Variants in KCNQ3 observed in about 807,000 individuals in gnomAD.
The protein encoded by KCNQ3 is potassium voltage-gated channel subfamily Q member 3, also known as potassium voltage-gated channel subfamily KQT member 3.
In KCNQ3, 30 loss-of-function variants were observed where a neutral mutation model predicts 92.5. That is an observed-to-expected ratio of 0.32 (90% CI 0.24 to 0.44). The LOEUF (loss-of-function observed/expected upper bound fraction) is 0.44, where lower values mean the gene tolerates loss of function less well. KCNQ3 is among the 20% of genes least tolerant of loss of function. KCNQ3 has a pLI of 1.00. For missense variants in KCNQ3, 913 were observed against 1,140.3 expected (o/e 0.80, Z 2.87); for synonymous variants, 450 against 468.8 (o/e 0.96, Z 0.52).
At chr8:132,334,206 G>A (rs1021416508) in intron 1 of KCNQ3, among the ~76,000 whole-genome samples, 2 of 151,996 alleles carry the variant, frequency 1.3e-5, no homozygotes, top group African/African-American at 4.8e-5. Flanking sequence ...TTGTGGCCGG[G>A]TGTGGTGACT....
chr8:132,237,238 G>A (rs1412981080), intron 1 of KCNQ3, among the ~76,000 whole-genome samples: 2 of 152,084 alleles, frequency 1.3e-5, no homozygotes, highest in African/African-American at 2.4e-5. Flanking sequence ...CATGGAGACT[G>A]GATAAGAGTA....
intron 9 of KCNQ3, among the ~76,000 whole-genome samples, chr8:132,162,495 C>T (rs1244831880): frequency 6.6e-6 from 1 of 152,080 alleles, no homozygotes; most frequent in Admixed American, 6.6e-5. Flanking sequence ...TCTGTGGTGT[C>T]CTTTCACTCT....
At chr8:132,273,998 T>C (rs1368473490) in intron 1 of KCNQ3, among the ~76,000 whole-genome samples, 1 of 152,212 alleles carries the variant, frequency 6.6e-6, no homozygotes, top group Non-Finnish European at 1.5e-5. Flanking sequence ...CATTTTCCTG[T>C]CTTCTGAGCC....
At chr8:132,284,163 C>T (rs1368125142) in intron 1 of KCNQ3, among the ~76,000 whole-genome samples, 2 of 152,038 alleles carry the variant, frequency 1.3e-5, no homozygotes, top group Non-Finnish European at 2.9e-5. Flanking sequence ...TGCACATGTG[C>T]CCTAAAACTT....
At chr8:132,222,609 A>G (rs1200387568) in intron 1 of KCNQ3, among the ~76,000 whole-genome samples, 3 of 152,316 alleles carry the variant, frequency 2.0e-5, no homozygotes, top group East Asian at 1.9e-4. Flanking sequence ...AGAGGCAGGG[A>G]GATGTGTCTA....
intron 1 of KCNQ3, among the ~76,000 whole-genome samples, chr8:132,219,401 A>C (rs1814144946): frequency 6.6e-6 from 1 of 152,088 alleles, no homozygotes; most frequent in East Asian, 1.9e-4. Context: ...TCCCGCTTTG[A>C]TGAAGGTCCA....
chr8:132,278,461 T>C (rs1362634321), intron 1 of KCNQ3, among the ~76,000 whole-genome samples: 1 of 152,202 alleles, frequency 6.6e-6, no homozygotes, highest in Non-Finnish European at 1.5e-5. Context: ...CCTTGGGCAG[T>C]AAGACCAACT....
chr8:132,258,696 G>T (rs577278255), intron 1 of KCNQ3, among the ~76,000 whole-genome samples: 99 of 151,938 alleles, frequency 6.5e-4, no homozygotes, highest in African/African-American at 2.3e-3. Flanking sequence ...AAACAACAGA[G>T]AAATCAATAA....
chr8:132,281,520 CTGTG>C (rs57252508), intron 1 of KCNQ3, among the ~76,000 whole-genome samples: 66,080 of 149,434 alleles, frequency 0.44, 16,376 homozygotes, highest in East Asian at 0.68. Context: ...TATATGGAAT[CTGTG>C]TGTGTGTGTG....
Position 132,129,186 on chromosome 8 carries a change from A to G in KCNQ3, c.*76T>C. On this transcript the variant is annotated 3_prime_UTR_variant, in exon 15 of 15. Coordinates refer to ENST00000388996, the MANE Select transcript of KCNQ3 (RefSeq NM_004519.4). The surrounding 1 kb of genome is among the most constrained non-coding windows in gnomAD (Gnocchi z 5.9). ...TGCAGCCATTGGTGTCCCCGCTGGT[A>G]AGCGTCGGGTGTAAGAGTAAGTGAA... 1 of 1,547,484 alleles carries G rather than the reference A, an allele frequency of 6.5e-7. No individual in the cohort carries two copies.
chr8:132,332,842 G>C (rs1281326313), intron 1 of KCNQ3, among the ~76,000 whole-genome samples: 2 of 152,184 alleles, frequency 1.3e-5, no homozygotes, highest in Non-Finnish European at 2.9e-5. Context: ...ACACCTCCCT[G>C]GTGCAGAACC....
At chr8:132,390,365 C>T (rs897300586) in intron 1 of KCNQ3, among the ~76,000 whole-genome samples, 3 of 152,152 alleles carry the variant, frequency 2.0e-5, no homozygotes, top group Admixed American at 2.0e-4. Flanking sequence ...CAAGTACTGG[C>T]AATGGTCTTG....
chr8:132,193,704 C>T lies in KCNQ3; in HGVS notation c.387-7523G>A, dbSNP rs561218693. 8.7e-4 allele frequency among the ~76,000 whole-genome samples: 133 copies of T among 152,320 alleles called. 2 individuals carry two copies. Among genetic ancestry groups the T allele is most frequent in the African/African-American group, 2.9e-3 (122 of 41,572 alleles). The stretch of plus-strand genomic sequence containing the variant: ...TTTTCGTACATCATTTTCTCTTTTA[C>T]TCCTGAGAGCAACACTGCGAGGAAG... On this transcript the variant is annotated intron_variant, in intron 1 of 14. Coordinates refer to ENST00000388996, the MANE Select transcript of KCNQ3 (RefSeq NM_004519.4).
chr8:132,227,408 G>T (rs1410143187), intron 1 of KCNQ3, among the ~76,000 whole-genome samples: 1 of 152,090 alleles, frequency 6.6e-6, no homozygotes. Context: ...AGAGGCACTG[G>T]GGTGTGTGTG....
intron 1 of KCNQ3, among the ~76,000 whole-genome samples, chr8:132,424,061 C>T (rs894016321): frequency 8.5e-5 from 13 of 152,156 alleles, no homozygotes; most frequent in African/African-American, 2.9e-4. Context: ...TACTCTTCTT[C>T]CCCACCATGT....
intron 1 of KCNQ3, among the ~76,000 whole-genome samples, chr8:132,372,165 T>C (rs1819489467): frequency 6.6e-6 from 1 of 152,184 alleles, no homozygotes; most frequent in African/African-American, 2.4e-5. Flanking sequence ...AATGGCTTCC[T>C]CTGGGCTTCT....
At chr8:132,379,046 A>T (rs1181770826) in intron 1 of KCNQ3, among the ~76,000 whole-genome samples, 1 of 152,182 alleles carries the variant, frequency 6.6e-6, no homozygotes, top group Non-Finnish European at 1.5e-5. Context: ...CTATAGGATG[A>T]TAAACACCCC....
intron 1 of KCNQ3, among the ~76,000 whole-genome samples, chr8:132,289,563 C>A (rs1312469613): frequency 1.3e-5 from 2 of 152,166 alleles, no homozygotes; most frequent in African/African-American, 4.8e-5. Context: ...CAATGTCTCT[C>A]ACCTACAAGG....
chr8:132,260,654 A>G (rs1349862681), intron 1 of KCNQ3, among the ~76,000 whole-genome samples: 1 of 152,058 alleles, frequency 6.6e-6, no homozygotes, highest in Non-Finnish European at 1.5e-5. Context: ...TTGCTCTCCA[A>G]TCTATTCCCA....
Sources: gnomAD v4.1 joint callset for allele counts (sites outside exome capture counted in the v4.1 genomes callset) on GRCh38, gnomAD v4.1.1 for gene constraint, Gnocchi (gnomAD v3.1) non-coding constraint, MANE v1.5 for transcripts, NCBI Gene and HGNC (gene_info 2026-07-23, HGNC 2026-07-21) for gene names.